The following RGS6 variants were observed in gnomAD, a reference collection of about 807,000 sequenced individuals.
RGS6 encodes the protein regulator of G-protein signaling 6.
RGS6 carries 30 observed loss-of-function variants against 78.5 expected under a neutral mutation model. The observed-to-expected ratio is 0.38, with a 90% confidence interval of 0.29 to 0.52. The LOEUF is 0.52. RGS6 is among the 20% of genes least tolerant of loss of function. The probability of loss-of-function intolerance (pLI) is 0.85; values close to 1 mark genes in which losing one functional copy is unlikely to be tolerated. For synonymous variants in RGS6, 206 were observed against 206.0 expected (o/e 1.00, Z 0.00); for missense variants, 495 against 609.7 (o/e 0.81, Z 1.98).
intron 1 of RGS6, among the ~76,000 whole-genome samples, chr14:71,936,175 C>A (rs993145183): frequency 1.7e-4 from 26 of 151,160 alleles, no homozygotes; most frequent in Non-Finnish European, 2.9e-4. Context: ...TCCCAAGGTC[C>A]CACAATAGGC....
At chr14:72,016,567 G>A (rs544496925) in intron 2 of RGS6, among the ~76,000 whole-genome samples, 3 of 152,074 alleles carry the variant, frequency 2.0e-5, no homozygotes, top group East Asian at 3.9e-4. Context: ...GGGTTTCACC[G>A]TGTTAGCCAG....
intron 2 of RGS6, among the ~76,000 whole-genome samples, chr14:72,331,118 A>T (rs1472399098): frequency 1.3e-5 from 2 of 152,172 alleles, no homozygotes; most frequent in Non-Finnish European, 2.9e-5. Context: ...AGAGGACACA[A>T]GGTCACCTGG....
intron 2 of RGS6, among the ~76,000 whole-genome samples, chr14:72,292,654 ATTCT>A (rs1187184220): frequency 6.6e-6 from 1 of 152,206 alleles, no homozygotes; most frequent in Non-Finnish European, 1.5e-5. Context: ...TCCTTGAGTA[ATTCT>A]TTCTGCAAGA....
chr14:72,509,042 A>G (rs1387028836), intron 13 of RGS6, among the ~76,000 whole-genome samples: 1 of 152,198 alleles, frequency 6.6e-6, no homozygotes, highest in Non-Finnish European at 1.5e-5. Flanking sequence ...GAGACAGCAT[A>G]GCAAAGATGA....
intron 2 of RGS6, among the ~76,000 whole-genome samples, chr14:72,287,189 T>A (rs536612710): frequency 6.6e-6 from 1 of 152,376 alleles, no homozygotes; most frequent in South Asian, 2.1e-4. Context: ...ACTGAATTTA[T>A]TTATTAGTTC....
chr14:72,045,545 C>T (rs926609553), intron 2 of RGS6, among the ~76,000 whole-genome samples: 13 of 152,186 alleles, frequency 8.5e-5, no homozygotes, highest in East Asian at 5.8e-4. Context: ...CTCTTTTAGA[C>T]GTAATCTAAT....
intron 2 of RGS6, among the ~76,000 whole-genome samples, chr14:72,325,963 T>G (rs1029662039): frequency 6.6e-6 from 1 of 152,154 alleles, no homozygotes; most frequent in African/African-American, 2.4e-5. Context: ...ATTGGTACAA[T>G]GTTGATTAGG....
intron 2 of RGS6, among the ~76,000 whole-genome samples, chr14:72,344,091 C>G (rs72724054): frequency 0.12 from 18,413 of 152,190 alleles, 1,132 homozygotes; most frequent in East Asian, 0.18. Context: ...CTTGGCTATT[C>G]CAGCCAAGCT....
intron 2 of RGS6, among the ~76,000 whole-genome samples, chr14:72,057,316 A>G (rs957096563): frequency 1.0e-3 from 86 of 86,000 alleles, no homozygotes; most frequent in African/African-American, 3.5e-3. Context: ...TCTATCTGAA[A>G]AAAAAAAAAA....
Position 72,454,595 on chromosome 14 carries a change from C to T in RGS6, c.235+17C>T, listed in dbSNP as rs2095580882. ...AGGACCCAGGTACTTGACCTTTGAC[C>T]CCACCCTTATCTCCCCTGGTATCAG... On this transcript the variant is annotated intron_variant, in intron 4 of 17. Coordinates refer to ENST00000553525, the MANE Select transcript of RGS6 (RefSeq NM_001204424.2). 1.2e-6 allele frequency: 2 copies of T among 1,611,048 alleles called. No homozygotes were observed.
upstream of RGS6, chr14:71,932,380 C>T (rs1286449736): frequency 6.6e-6 from 1 of 151,376 alleles, no homozygotes; most frequent in Non-Finnish European, 1.5e-5. Context: ...CAGCTCCGCT[C>T]GGCATCCGAC....
At chr14:72,225,517 T>C (rs1216842015) in intron 2 of RGS6, among the ~76,000 whole-genome samples, 2 of 152,028 alleles carry the variant, frequency 1.3e-5, no homozygotes, top group Non-Finnish European at 2.9e-5. Context: ...TTTGTAGAAA[T>C]GGGTTTTCAT....
intron 17 of RGS6, among the ~76,000 whole-genome samples, chr14:72,548,551 T>C (rs1490268216): frequency 6.6e-6 from 1 of 152,190 alleles, no homozygotes. Flanking sequence ...AAAGGAAAAG[T>C]GTTCCATTGC....
At chr14:72,312,670 G>A (rs1234144644) in intron 2 of RGS6, among the ~76,000 whole-genome samples, 3 of 152,202 alleles carry the variant, frequency 2.0e-5, no homozygotes, top group Non-Finnish European at 4.4e-5. Flanking sequence ...AAGATCCTTA[G>A]GTAGCTCATG....
At chr14:71,903,809 CT>C in the RGS6 span, among the ~76,000 whole-genome samples, 1 of 152,126 alleles carries the variant, frequency 6.6e-6, no homozygotes, top group Non-Finnish European at 1.5e-5. Context: ...TTCATTTGTC[CT>C]TAGAAAAATT....
At chr14:72,547,684 A>G (rs112126832) in intron 17 of RGS6, among the ~76,000 whole-genome samples, 1,550 of 152,004 alleles carry the variant, frequency 0.01, 28 homozygotes, top group African/African-American at 0.035. Flanking sequence ...TGGCTTCCCA[A>G]TGGGTGGGAA....
chr14:72,374,986 T>A (rs1282817514), intron 3 of RGS6, among the ~76,000 whole-genome samples: 1 of 152,026 alleles, frequency 6.6e-6, no homozygotes, highest in Non-Finnish European at 1.5e-5. Context: ...AATAGAAACA[T>A]TAAACAGCAG....
At chr14:72,470,624 T>C (rs2096050008) in intron 8 of RGS6, among the ~76,000 whole-genome samples, 1 of 150,412 alleles carries the variant, frequency 6.6e-6, no homozygotes. Context: ...ATGCCTGTAA[T>C]CCCAGCACTT....
intron 2 of RGS6, among the ~76,000 whole-genome samples, chr14:72,052,192 C>T (rs1166711367): frequency 6.6e-6 from 1 of 152,100 alleles, no homozygotes; most frequent in Non-Finnish European, 1.5e-5. Flanking sequence ...CAAAAAGCCT[C>T]CTGGTATATA....
Sources: allele counts gnomAD v4.1 joint callset (sites outside exome capture counted in the v4.1 genomes callset), GRCh38; gene constraint gnomAD v4.1.1; transcripts MANE v1.5; gene names NCBI Gene and HGNC (gene_info 2026-07-23, HGNC 2026-07-21).